The following PCDHGA11 variants were observed in gnomAD, a reference collection of about 807,000 sequenced individuals.
The protein encoded by PCDHGA11 is protocadherin gamma-A11.
PCDHGA11 carries 39 observed loss-of-function variants against 60.4 expected under a neutral mutation model. The observed-to-expected ratio is 0.65, with a 90% CI of 0.50 to 0.84. PCDHGA11 has a LOEUF of 0.84. PCDHGA11 is among the 40% of genes least tolerant of loss of function. The pLI is 0.00. For synonymous variants in PCDHGA11, 533 were observed against 510.3 expected (o/e 1.04, Z -0.60); for missense variants, 1,165 against 1,197.7 (o/e 0.97, Z 0.40).
At chr5:141,451,019 G>A (rs1348607593) in intron 1 of PCDHGA11, among the ~76,000 whole-genome samples, 7 of 151,274 alleles carry the variant, frequency 4.6e-5, no homozygotes, top group Admixed American at 2.0e-4. Context: ...TAGTAGAGAC[G>A]AGGTTTCACC....
chr5:141,453,926 T>C (rs1274875429), intron 1 of PCDHGA11, among the ~76,000 whole-genome samples: 1 of 152,256 alleles, frequency 6.6e-6, no homozygotes, highest in Non-Finnish European at 1.5e-5. Flanking sequence ...GATCAGTCAC[T>C]GTGTGCCTAT....
chr5:141,432,300 T>G lies in PCDHGA11; in HGVS notation c.2433+8640T>G, dbSNP rs1280788604. ...TCCATCAACTCCGACACTGGGGTACTGTATGCGCTGAGCTCCTTCGACTAC... is the reference window on the plus strand; with the variant it reads ...TCCATCAACTCCGACACTGGGGTACGGTATGCGCTGAGCTCCTTCGACTAC... On this transcript the variant is annotated intron_variant, in intron 1 of 3. Transcript: ENST00000398587. The surrounding 1 kb of genome is among the most constrained non-coding windows in gnomAD (Gnocchi z 6.0). 1.9e-6 allele frequency: 3 copies of G among 1,614,158 alleles called. No homozygotes were observed. The highest frequency in any genetic ancestry group is 2.5e-6 in the Non-Finnish European group (3 of 1,180,056).
chr5:141,437,252 CTT>C (rs1030396727), intron 1 of PCDHGA11, among the ~76,000 whole-genome samples: 3 of 152,268 alleles, frequency 2.0e-5, no homozygotes, highest in Admixed American at 6.5e-5. Context: ...CTTTCCTTGT[CTT>C]TTTATGTGTA....
intron 2 of PCDHGA11, among the ~76,000 whole-genome samples, chr5:141,504,341 CTTTGTGCTAGGT>C (rs963088433): frequency 3.9e-5 from 6 of 152,020 alleles, no homozygotes; most frequent in African/African-American, 1.4e-4. Flanking sequence ...AAGTGCTAGG[CTTTGTGCTAGGT>C]GCTTCAGTAG....
intron 1 of PCDHGA11, among the ~76,000 whole-genome samples, chr5:141,459,324 T>G (rs2098966238): frequency 6.6e-6 from 1 of 152,226 alleles, no homozygotes; most frequent in African/African-American, 2.4e-5. Flanking sequence ...ATCCATCTTC[T>G]TTTACTCCAA....
chr5:141,509,157 C>T lies in PCDHGA11; in HGVS notation c.2582-1790C>T, dbSNP rs369133984. Among the ~76,000 whole-genome samples the T allele has an allele frequency of 2.6e-4, 40 of 152,314 alleles. No individual in the cohort carries two copies. In the South Asian group the frequency reaches 7.0e-3, roughly 27 times the overall value. On this transcript the variant is annotated intron_variant, in intron 3 of 3. Transcript: ENST00000398587. The stretch of plus-strand genomic sequence containing the variant: ...GAGGCGCATCCCGGCTCTCCCCTCC[C>T]GTGTGCCCTCCTCCTCTTATGCCGG...
In PCDHGA11 at chr5:141,431,985, T is replaced by A. The variant is rs1354693325; in HGVS notation, c.2433+8325T>A. 1 of 1,614,202 alleles carries A rather than the reference T, an allele frequency of 6.2e-7. No homozygotes were observed. The highest frequency in any genetic ancestry group is 1.7e-5 in the Admixed American group (1 of 60,030). ...TACTATAGTTTAGTCACAGACATAG[T>A]CTTGGATAGGGAACAGGTTCCTAGC... On this transcript the variant is annotated intron_variant, in intron 1 of 3. Coordinates refer to ENST00000398587, the MANE Select transcript of PCDHGA11 (RefSeq NM_018914.3). This position sits in a 1 kb window ranked among gnomAD's most constrained non-coding sequence, Gnocchi z 4.8.
intron 1 of PCDHGA11, among the ~76,000 whole-genome samples, chr5:141,448,728 C>T (rs575604763): frequency 6.6e-6 from 1 of 151,986 alleles, no homozygotes; most frequent in Non-Finnish European, 1.5e-5. Context: ...ATCACGAGGT[C>T]AGGAGATCGA....
chr5:141,492,719 C>A (rs1367632029), intron 1 of PCDHGA11, among the ~76,000 whole-genome samples: 1 of 152,280 alleles, frequency 6.6e-6, no homozygotes, highest in Non-Finnish European at 1.5e-5. Context: ...AGCAGGCGGA[C>A]AGGCAGAGCT....
At chr5:141,450,008 T>C (rs78952430) in intron 1 of PCDHGA11, among the ~76,000 whole-genome samples, 2 of 37,390 alleles carry the variant, frequency 5.3e-5, no homozygotes, top group African/African-American at 6.8e-4. Flanking sequence ...CCATGTCTCT[T>C]TTTTTTTTTT....
chr5:141,485,278 C>T lies in PCDHGA11; in HGVS notation c.2434-9529C>T. On this transcript the variant is annotated intron_variant, in intron 1 of 3. Transcript: ENST00000398587. The surrounding 1 kb of genome is among the most constrained non-coding windows in gnomAD (Gnocchi z 5.7). ...TTTGTGGGCAGATCCGCTACCCGGTCCCAGAGGAGTCACAGGAAGGGACTT... is the reference window on the plus strand; with the variant it reads ...TTTGTGGGCAGATCCGCTACCCGGTTCCAGAGGAGTCACAGGAAGGGACTT... 1 of 1,614,064 alleles carries T rather than the reference C, an allele frequency of 6.2e-7. No homozygotes were observed. The highest frequency in any genetic ancestry group is 1.1e-5 in the South Asian group (1 of 91,080).
At position 141,511,983 on chromosome 5, in the gene PCDHGA11, G is replaced by A. The variant is rs904146751; in HGVS notation, c.*810G>A. 6.5e-6 allele frequency: 1 copy of A among 153,280 alleles called. No homozygotes were observed. The highest frequency in any genetic ancestry group is 1.5e-5 in the Non-Finnish European group (1 of 68,572). The allele number at this position is 153,280 out of a possible 1,614,324, so 9.5% of individuals were successfully genotyped here. A position where few individuals can be genotyped will look rare whatever the true frequency, so the allele number is the denominator to read the frequency against. ...AGGGAAGTGTGTGGATGTGGATGGT[G>A]GGGGCATGGACAAAGCTTGACACAT... On this transcript the variant is annotated 3_prime_UTR_variant, in exon 4 of 4. Coordinates refer to ENST00000398587, the MANE Select transcript of PCDHGA11 (RefSeq NM_018914.3).
rs765775416 is a variant in PCDHGA11 at position 141,421,370 on chromosome 5, A to G, written c.143A>G (p.Asn48Ser). The G allele has an allele frequency of 2.5e-6, 4 of 1,613,916 alleles. No homozygotes were observed. The highest frequency in any genetic ancestry group is 1.3e-5 in the African/African-American group (1 of 74,950). ...ACCGAAAAGGGCTCCTTCGTGGGCAATATCTCCAAGGACCTGGGGCTGGAG... is the reference window on the plus strand; with the variant it reads ...ACCGAAAAGGGCTCCTTCGTGGGCAGTATCTCCAAGGACCTGGGGCTGGAG... Reference protein sequence around the residue: ...EETEKGSFVGNISKDLGLEPR... With the variant: ...EETEKGSFVGSISKDLGLEPR... The change falls in exon 1 of 4, where the codon AAT (asparagine) becomes AGT (serine). Residue 48 changes from asparagine (N) to serine (S), a missense_variant. Coordinates refer to ENST00000398587, the MANE Select transcript of PCDHGA11 (RefSeq NM_018914.3).
rs143278253 is a variant in PCDHGA11 at position 141,476,491 on chromosome 5, C to T, written c.2434-18316C>T. 9.5e-5 allele frequency: 153 copies of T among 1,613,894 alleles called. No individual in the cohort carries two copies. The highest frequency in any genetic ancestry group is 5.4e-5 in the Non-Finnish European group (64 of 1,180,020). On this transcript the variant is annotated intron_variant, in intron 1 of 3. Transcript: ENST00000398587. This position sits in a 1 kb window ranked among gnomAD's most constrained non-coding sequence, Gnocchi z 7.6. ...AGCTGTTCAGCGTGGAAGTGGTGAT[C>T]CAGGACATCAACGACAACAATCCTG... is the stretch of plus-strand genomic sequence containing the variant.
rs61612330 is a variant in PCDHGA11, at chr5:141,454,796, A to ATTTTTTT, written c.2433+31159_2433+31165dup. On this transcript the variant is annotated intron_variant, in intron 1 of 3. Transcript: ENST00000398587. Reference sequence around the variant, plus strand: ...AAGGAAATAATCCTCCATGGTTCTAATTTTTTTTTTTTTTTTTTTTTTTTT... The same window carrying ATTTTTTT: ...AAGGAAATAATCCTCCATGGTTCTAATTTTTTTTTTTTTTTTTTTTTTTTTTTTTTTT... Among the ~76,000 whole-genome samples the ATTTTTTT allele has an allele frequency of 2.6e-3, 198 of 77,448 alleles. 27 individuals are homozygous for ATTTTTTT. The highest frequency in any genetic ancestry group is 8.4e-3 in the African/African-American group (141 of 16,874). The allele number at this position is 77,448 out of a possible 152,430, so 50.8% of individuals were successfully genotyped here. A position where few individuals can be genotyped will look rare whatever the true frequency, so the allele number is the denominator to read the frequency against.
chr5:141,486,146 G>T lies in PCDHGA11; in HGVS notation c.2434-8661G>T. Reference sequence around the variant, plus strand: ...TGAATTTGATGTGCGGGCTCGCGATGGGGGTTCTCCAGCCATGGAGCAACA... The same window carrying T: ...TGAATTTGATGTGCGGGCTCGCGATTGGGGTTCTCCAGCCATGGAGCAACA... On this transcript the variant is annotated intron_variant, in intron 1 of 3. Transcript: ENST00000398587. The surrounding 1 kb of genome is among the most constrained non-coding windows in gnomAD (Gnocchi z 5.0). 6.2e-7 allele frequency: 1 copy of T among 1,614,184 alleles called. No homozygotes were observed. The highest frequency in any genetic ancestry group is 8.5e-7 in the Non-Finnish European group (1 of 1,180,032).
rs1229909527 is a variant in PCDHGA11 at position 141,423,526 on chromosome 5, A to G, written c.2299A>G (p.Ser767Gly). The stretch of plus-strand genomic sequence containing the variant: ...CTCTCTCATTGCGGACTCGCAGAAG[A>G]GTCACCTGATTTTCCCCCAGCCCAA... ...EVSLIADSQK[S>G]HLIFPQPNYG... Residue 767 changes from serine (S) to glycine (G), a missense_variant, in exon 1 of 4, where the codon AGT (serine) becomes GGT (glycine). Transcript: ENST00000398587. 6.2e-7 allele frequency: 1 copy of G among 1,613,690 alleles called. No individual in the cohort carries two copies. The highest frequency in any genetic ancestry group is 8.5e-7 in the Non-Finnish European group (1 of 1,179,840).
At chr5:141,434,698 A>G (rs2097710714) in intron 1 of PCDHGA11, among the ~76,000 whole-genome samples, 1 of 152,070 alleles carries the variant, frequency 6.6e-6, no homozygotes, top group South Asian at 2.1e-4. Context: ...GTTAATAAAT[A>G]TGTGGGTAAA....
At chr5:141,478,584 T>G in intron 1 of PCDHGA11, 1 of 1,577,982 alleles carries the variant, frequency 6.3e-7, no homozygotes, top group Non-Finnish European at 8.6e-7. Flanking sequence ...CTGTTAGTGC[T>G]TTTTTATTCC....
Sources: gnomAD v4.1 joint callset for allele counts (sites outside exome capture counted in the v4.1 genomes callset) on GRCh38, gnomAD v4.1.1 for gene constraint, Gnocchi (gnomAD v3.1) non-coding constraint, MANE v1.5 for transcripts, NCBI Gene and HGNC (gene_info 2026-07-23, HGNC 2026-07-21) for gene names.